ZBTB32: variants seen among roughly 807,000 people sequenced by gnomAD.
ZBTB32 encodes the protein zinc finger and BTB domain containing 32, also known as zinc finger and BTB domain-containing protein 32.
Under a neutral mutation model 45.3 loss-of-function variants are expected in ZBTB32, and 28 were observed. The observed-to-expected ratio is 0.62, with a 90% confidence interval of 0.46 to 0.85. ZBTB32 has a LOEUF of 0.85. Among genes scored for constraint, ZBTB32 ranks in the 40% least tolerant of loss-of-function variants. ZBTB32 has a pLI of 0.00. For missense variants in ZBTB32, 587 were observed against 624.4 expected (o/e 0.94, Z 0.64); for synonymous variants, 283 against 255.7 (o/e 1.11, Z -1.02).
chr19:35,716,739 C>T lies in ZBTB32; in HGVS notation c.1451C>T (p.Ser484Phe), dbSNP rs981741196. ...RPSTSPCCPS[S>F]STT ...TCGACCTCTCCCTGTTGTCCTTCTT[C>T]CTCCACCACCTGACGGGGTGTCGGT... Residue 484 changes from serine (S) to phenylalanine (F), a missense_variant, in exon 7 of 7, where the codon TCC becomes TTC. Ser to Phe is a radical substitution (Grantham distance 155). Transcript: ENST00000392197. 1 of 1,603,544 alleles carries T rather than the reference C, an allele frequency of 6.2e-7. No individual in the cohort carries two copies. Among genetic ancestry groups the T allele is most frequent in the South Asian group, 1.1e-5 (1 of 90,904 alleles).
At chr19:35,705,854 T>C (rs1378213087) in intron 1 of ZBTB32, among the ~76,000 whole-genome samples, 1 of 145,486 alleles carries the variant, frequency 6.9e-6, no homozygotes, top group Non-Finnish European at 1.5e-5. Context: ...GAGGTTGCAG[T>C]GAGCAGAGAT....
At chr19:35,704,882 G>A (rs1464767840) in intron 1 of ZBTB32, among the ~76,000 whole-genome samples, 1 of 152,250 alleles carries the variant, frequency 6.6e-6, no homozygotes, top group Non-Finnish European at 1.5e-5. Context: ...TGAGTAGGAA[G>A]GGTGTTGTGG....
intron 1 of ZBTB32, among the ~76,000 whole-genome samples, chr19:35,707,248 G>A (rs1599646426): frequency 2.6e-5 from 4 of 151,720 alleles, no homozygotes. Context: ...TATATTATGA[G>A]GAGGGGAGGG....
intron 1 of ZBTB32, among the ~76,000 whole-genome samples, chr19:35,708,278 T>C (rs1968599078): frequency 6.6e-6 from 1 of 152,176 alleles, no homozygotes; most frequent in Non-Finnish European, 1.5e-5. Context: ...GGTTGAGTCC[T>C]GTGTAGGGGG....
Position 35,714,763 on chromosome 19 carries a change from T to A in ZBTB32, c.137T>A (p.Val46Glu), listed in dbSNP as rs1297911572. 6.2e-7 allele frequency: 1 copy of A among 1,614,014 alleles called. No individual in the cohort carries two copies. Among genetic ancestry groups the A allele is most frequent in the African/African-American group, 1.3e-5 (1 of 74,938 alleles). The change falls in exon 3 of 7, where the codon GTG becomes GAG. Residue 46 changes from valine to glutamate, a missense_variant. Transcript: ENST00000392197. ...GSQEFPAHSL[V>E]LAGVSQQLGR... ...CAGGAGTTCCCCGCCCACAGCCTGG[T>A]GCTAGCAGGTGTCAGCCAGCAGCTG...
chr19:35,715,857 C>T, intron 4 of ZBTB32, 27 bp downstream of exon 4: 2 of 1,612,148 alleles, frequency 1.2e-6, no homozygotes, highest in Non-Finnish European at 1.7e-6. Flanking sequence ...CCTGCATACA[C>T]CTGTAACATG....
intron 1 of ZBTB32, among the ~76,000 whole-genome samples, chr19:35,711,896 G>A (rs924239376): frequency 1.3e-5 from 2 of 151,716 alleles, no homozygotes; most frequent in Non-Finnish European, 2.9e-5. Flanking sequence ...GTGGTGGCGG[G>A]CGCCTGTAAT....
In ZBTB32 at chr19:35,715,123, A is replaced by G. The variant is rs1419277328; in HGVS notation, c.497A>G (p.His166Arg). The part of the protein sequence containing the change: ...RTGGREQEML[H>R]KHSPPRGRPE... The stretch of plus-strand genomic sequence containing the variant: ...GGTGGGAGAGAACAGGAGATGTTGC[A>G]CAAGCACTCGCCACCAAGAGGCAGA... Residue 166 changes from histidine (H) to arginine (R), a missense_variant, in exon 3 of 7, where the codon CAC (histidine) becomes CGC (arginine). Physicochemically the swap from His to Arg is conservative, Grantham distance 29 (BLOSUM62 0). Transcript: ENST00000392197. The G allele has an allele frequency of 1.9e-6, 3 of 1,613,888 alleles. No individual in the cohort carries two copies. In the African/African-American group the frequency reaches 4.0e-5, roughly 22 times the overall value.
chr19:35,713,395 G>A (rs569499659), intron 2 of ZBTB32: 3 of 152,456 alleles, frequency 2.0e-5, no homozygotes, highest in African/African-American at 4.8e-5. Context: ...CTCCAGGGGG[G>A]GCCCCAGGAG....
intron 1 of ZBTB32, among the ~76,000 whole-genome samples, chr19:35,711,904 A>G (rs1968706169): frequency 6.6e-6 from 1 of 151,978 alleles, no homozygotes; most frequent in Non-Finnish European, 1.5e-5. Flanking sequence ...GGGCGCCTGT[A>G]ATCCCAGCTA....
intron 1 of ZBTB32, among the ~76,000 whole-genome samples, chr19:35,710,784 C>T (rs1027157931): frequency 2.6e-5 from 4 of 152,122 alleles, no homozygotes; most frequent in African/African-American, 2.4e-5. Context: ...CAGCAGTGTC[C>T]CTACTCTTCC....
intron 1 of ZBTB32, among the ~76,000 whole-genome samples, chr19:35,710,741 A>C (rs1429738764): frequency 6.6e-6 from 1 of 152,182 alleles, no homozygotes; most frequent in Admixed American, 6.5e-5. Flanking sequence ...TGACAGAACA[A>C]GACTCTGTCT....
Position 35,715,266 on chromosome 19 carries a change from T to C in ZBTB32, c.640T>C (p.Trp214Arg). 6.3e-7 allele frequency: 1 copy of C among 1,587,232 alleles called. No homozygotes were observed. Among genetic ancestry groups the C allele is most frequent in the Non-Finnish European group, 8.6e-7 (1 of 1,168,716 alleles). ...AGATGGGAAGCATGGAGTGCTCACG[T>C]GGTTGAGGGAAAATCCAGGGGGCTC... ...GADGKHGVLT[W>R]LRENPGGSEE... Residue 214 changes from tryptophan (W) to arginine (R), a missense_variant, in exon 3 of 7, where the codon TGG becomes CGG. By Grantham distance (101) the Trp-to-Arg change is moderately radical. Coordinates refer to ENST00000392197, the MANE Select transcript of ZBTB32 (RefSeq NM_014383.3).
intron 1 of ZBTB32, among the ~76,000 whole-genome samples, chr19:35,711,607 C>T (rs1039446773): frequency 6.6e-6 from 1 of 152,040 alleles, no homozygotes; most frequent in Admixed American, 6.6e-5. Context: ...GGAGGGAAGG[C>T]GTGGTAGGCC....
At chr19:35,710,380 T>C (rs1968655749) in intron 1 of ZBTB32, among the ~76,000 whole-genome samples, 1 of 152,104 alleles carries the variant, frequency 6.6e-6, no homozygotes. Context: ...TTCTTTGCTC[T>C]TTCCAGAGAG....
Position 35,715,462 on chromosome 19 carries a change from G to T in ZBTB32, c.836G>T (p.Ser279Ile). 1.3e-6 allele frequency: 2 copies of T among 1,574,060 alleles called. No individual in the cohort carries two copies. Among genetic ancestry groups the T allele is most frequent in the Non-Finnish European group, 1.7e-6 (2 of 1,161,206 alleles). ...PPRYGIPFYH[S>I]TPTTGAWQEV... ...AGATATGGCATTCCCTTCTACCATAGCACCCCCACCACTGGAGCCTGGCAG... is the reference window on the plus strand; with the variant it reads ...AGATATGGCATTCCCTTCTACCATATCACCCCCACCACTGGAGCCTGGCAG... The change falls in exon 3 of 7, where the codon AGC (serine) becomes ATC (isoleucine). Residue 279 changes from serine (S) to isoleucine (I), a missense_variant. By Grantham distance (142) the Ser-to-Ile change is moderately radical. Transcript: ENST00000392197.
intron 1 of ZBTB32, among the ~76,000 whole-genome samples, chr19:35,705,048 G>A (rs1968504566): frequency 1.3e-5 from 2 of 152,206 alleles, no homozygotes; most frequent in Admixed American, 6.5e-5. Flanking sequence ...GCTCACGCCT[G>A]TAATCCCAGC....
At chr19:35,706,377 G>A (rs1377525824) in intron 1 of ZBTB32, among the ~76,000 whole-genome samples, 1 of 151,718 alleles carries the variant, frequency 6.6e-6, no homozygotes, top group Non-Finnish European at 1.5e-5. Flanking sequence ...GATGAACATC[G>A]TAGTGGAGCA....
Position 35,715,990 on chromosome 19 carries a change from C to A in ZBTB32, c.1007C>A (p.Ser336Tyr). The A allele has an allele frequency of 6.2e-7, 1 of 1,612,942 alleles. No individual in the cohort carries two copies. The highest frequency in any genetic ancestry group is 1.1e-5 in the South Asian group (1 of 91,086). ...AQLSPGEMEE[S>Y]DQGHTGALAT... ...CTCAGCCCTGGGGAGATGGAAGAGTCTGATCAGGGGCACACAGGTGAGTCG... is the reference window on the plus strand; with the variant it reads ...CTCAGCCCTGGGGAGATGGAAGAGTATGATCAGGGGCACACAGGTGAGTCG... The change falls in exon 5 of 7, where the codon TCT (serine) becomes TAT (tyrosine). Residue 336 changes from serine to tyrosine, a missense_variant. Transcript: ENST00000392197.
Sources: allele counts gnomAD v4.1 joint callset (sites outside exome capture counted in the v4.1 genomes callset), GRCh38; gene constraint gnomAD v4.1.1; transcripts MANE v1.5; gene names NCBI Gene and HGNC (gene_info 2026-07-23, HGNC 2026-07-21).